The following EXT1 variants were observed in gnomAD, a reference collection of about 807,000 sequenced individuals.
EXT1 encodes exostosin-1.
In EXT1, 20 loss-of-function variants were observed where a neutral mutation model predicts 82.5. The ratio of observed to expected loss-of-function variants is 0.24; its 90% CI spans 0.17 to 0.35. The LOEUF is 0.35. Ranked by LOEUF, EXT1 falls within the 10% of genes least tolerant of loss-of-function variation. The pLI is 1.00. For missense variants in EXT1, 757 were observed against 936.5 expected, an observed-to-expected ratio of 0.81 and a Z score of 2.50; for synonymous variants, 348 against 350.8, an observed-to-expected ratio of 0.99 and a Z score of 0.09.
intron 7 of EXT1, among the ~76,000 whole-genome samples, chr8:117,816,835 CA>C (rs1563569381): frequency 6.6e-6 from 1 of 152,172 alleles, no homozygotes; most frequent in Non-Finnish European, 1.5e-5. Flanking sequence ...CAAAGAAAGA[CA>C]TTATCCACCA....
intron 1 of EXT1, among the ~76,000 whole-genome samples, chr8:118,022,765 A>C (rs1816131970): frequency 6.6e-6 from 1 of 152,188 alleles, no homozygotes; most frequent in South Asian, 2.1e-4. Flanking sequence ...TTTTTCTGGA[A>C]TGCAACGAGA....
At chr8:118,082,605 C>A (rs1231739403) in intron 1 of EXT1, among the ~76,000 whole-genome samples, 1 of 152,124 alleles carries the variant, frequency 6.6e-6, no homozygotes, top group Non-Finnish European at 1.5e-5. Flanking sequence ...TGTCCAGTTT[C>A]TTTTAACAAG....
intron 1 of EXT1, among the ~76,000 whole-genome samples, chr8:118,009,140 C>T (rs1017392950): frequency 1.3e-5 from 2 of 152,182 alleles, no homozygotes; most frequent in Non-Finnish European, 2.9e-5. Context: ...GAAGCCACAT[C>T]GCAATAGGGA....
At chr8:118,078,347 G>C (rs1211978868) in intron 1 of EXT1, among the ~76,000 whole-genome samples, 1 of 152,058 alleles carries the variant, frequency 6.6e-6, no homozygotes, top group Non-Finnish European at 1.5e-5. Context: ...CACAGGCACA[G>C]GCCACCATGC....
chr8:118,009,681 G>A (rs1282981735), intron 1 of EXT1, among the ~76,000 whole-genome samples: 1 of 152,176 alleles, frequency 6.6e-6, no homozygotes, highest in African/African-American at 2.4e-5. Context: ...GGTGGCATTA[G>A]AATCTCATAG....
chr8:118,037,379 CTTTTTTT>C (rs5894410), intron 1 of EXT1, among the ~76,000 whole-genome samples: 2 of 139,000 alleles, frequency 1.4e-5, no homozygotes, highest in East Asian at 4.1e-4. Flanking sequence ...AAAAAGATTC[CTTTTTTT>C]TTTTTTTTTG....
At chr8:118,016,676 T>C (rs1037693) in intron 1 of EXT1, among the ~76,000 whole-genome samples, 68,260 of 152,096 alleles carry the variant, frequency 0.45, 17,634 homozygotes, top group African/African-American at 0.72. Flanking sequence ...CCAAAAGGCT[T>C]AACTCTAAGG....
chr8:117,891,398 A>G (rs2129943814), intron 1 of EXT1, among the ~76,000 whole-genome samples: 1 of 152,328 alleles, frequency 6.6e-6, no homozygotes, highest in East Asian at 1.9e-4. Flanking sequence ...GAGAATGGCA[A>G]ATAAATTGCT....
At chr8:117,876,380 C>A (rs1050874221) in intron 1 of EXT1, among the ~76,000 whole-genome samples, 2 of 152,134 alleles carry the variant, frequency 1.3e-5, no homozygotes, top group African/African-American at 4.8e-5. Flanking sequence ...AAACACAGAG[C>A]AATTTATTTC....
At chr8:118,059,761 C>T (rs1816854139) in intron 1 of EXT1, among the ~76,000 whole-genome samples, 2 of 152,294 alleles carry the variant, frequency 1.3e-5, no homozygotes, top group South Asian at 2.1e-4. Flanking sequence ...TGAGGAAGGA[C>T]CAATTTCTAT....
chr8:117,817,916 T>C (rs1480052912), intron 7 of EXT1, among the ~76,000 whole-genome samples: 1 of 152,228 alleles, frequency 6.6e-6, no homozygotes, highest in Non-Finnish European at 1.5e-5. Flanking sequence ...AGGCCGGCTA[T>C]GTAGCACTCA....
At chr8:117,799,972 G>A in intron 10 of EXT1, 75 bp from the exon 11 acceptor site, 1 of 1,509,062 alleles carries the variant, frequency 6.6e-7, no homozygotes, top group Non-Finnish European at 9.1e-7. Flanking sequence ...AGAAAATGGA[G>A]TCAGGCAAAT....
chr8:117,996,913 A>G (rs1815548876), intron 1 of EXT1, among the ~76,000 whole-genome samples: 1 of 152,132 alleles, frequency 6.6e-6, no homozygotes, highest in South Asian at 2.1e-4. Context: ...TTCCATCACT[A>G]TCTCTTGTAG....
chr8:117,906,743 A>G (rs900323511), intron 1 of EXT1, among the ~76,000 whole-genome samples: 1 of 152,220 alleles, frequency 6.6e-6, no homozygotes, highest in Non-Finnish European at 1.5e-5. Context: ...TCTTACAGGG[A>G]AAGCAGTTGT....
At chr8:117,973,754 C>G (rs1000709898) in intron 1 of EXT1, among the ~76,000 whole-genome samples, 1 of 148,348 alleles carries the variant, frequency 6.7e-6, no homozygotes, top group Non-Finnish European at 1.5e-5. Context: ...AGTGACAGAG[C>G]AAGACCCTAT....
chr8:118,109,326 C>T (rs1817848833), intron 1 of EXT1, among the ~76,000 whole-genome samples: 1 of 146,892 alleles, frequency 6.8e-6, no homozygotes, highest in South Asian at 2.1e-4. Context: ...AAATTAGCAA[C>T]TGGAGTTTAG....
intron 1 of EXT1, among the ~76,000 whole-genome samples, chr8:118,053,195 G>C (rs1816745350): frequency 1.3e-5 from 2 of 152,132 alleles, no homozygotes; most frequent in Non-Finnish European, 2.9e-5. Context: ...TATGACACGA[G>C]GTCTCAAGTG....
chr8:117,979,042 G>C (rs1280946919), intron 1 of EXT1, among the ~76,000 whole-genome samples: 1 of 152,076 alleles, frequency 6.6e-6, no homozygotes, highest in African/African-American at 2.4e-5. Flanking sequence ...AGAAGAAGAT[G>C]TTACTATGTT....
At chr8:118,036,964 G>A (rs940323245) in intron 1 of EXT1, among the ~76,000 whole-genome samples, 3 of 152,094 alleles carry the variant, frequency 2.0e-5, no homozygotes, top group African/African-American at 4.8e-5. Context: ...CTAGGGGCAC[G>A]CAGCACACCA....
Sources: gnomAD v4.1 joint callset for allele counts (sites outside exome capture counted in the v4.1 genomes callset) on GRCh38, gnomAD v4.1.1 for gene constraint, MANE v1.5 for transcripts, NCBI Gene and HGNC (gene_info 2026-07-23, HGNC 2026-07-21) for gene names.